Variants in GABRG3 observed in about 807,000 individuals in gnomAD.
GABRG3 encodes the protein gamma-aminobutyric acid receptor subunit gamma-3.
A neutral mutation model predicts 48.8 loss-of-function variants in GABRG3; 25 were observed. The ratio of observed to expected loss-of-function variants is 0.51; its 90% CI spans 0.37 to 0.72. GABRG3 has a LOEUF of 0.72. Ranked by LOEUF, GABRG3 falls within the 30% of genes least tolerant of loss-of-function variation. GABRG3 has a pLI of 0.00. For synonymous variants in GABRG3, 227 were observed against 217.6 expected (o/e 1.04, Z -0.38); for missense variants, 394 against 577.9 (o/e 0.68, Z 3.26).
chr15:27,476,080 A>G (rs1026378642), intron 5 of GABRG3, among the ~76,000 whole-genome samples: 4 of 152,230 alleles, frequency 2.6e-5, no homozygotes, highest in African/African-American at 9.6e-5. Context: ...AAAGCCAGCA[A>G]AGAACTCAAT....
intron 3 of GABRG3, among the ~76,000 whole-genome samples, chr15:27,322,174 G>A (rs934144285): frequency 1.3e-5 from 2 of 152,116 alleles, no homozygotes; most frequent in Non-Finnish European, 2.9e-5. Context: ...ATTTCTATGT[G>A]GGTGGGAAGT....
intron 5 of GABRG3, among the ~76,000 whole-genome samples, chr15:27,465,211 A>G (rs1889569230): frequency 6.6e-6 from 1 of 152,164 alleles, no homozygotes; most frequent in South Asian, 2.1e-4. Flanking sequence ...TTTTTCTCCC[A>G]TTTGATGGGA....
rs780766064 is a variant in GABRG3, at chr15:27,343,746, C to T, written c.574+14858C>T. On this transcript the variant is annotated intron_variant, in intron 5 of 9. Transcript: ENST00000615808. ...ACGGTACGTCAACAAATTCTAAAGCCGTGTCTCAAAGAAAAGGAAACAAAA... is the reference window on the plus strand; with the variant it reads ...ACGGTACGTCAACAAATTCTAAAGCTGTGTCTCAAAGAAAAGGAAACAAAA... Among the ~76,000 whole-genome samples the T allele has an allele frequency of 2.6e-5, 4 of 152,240 alleles. 1 individual carries two copies. Among genetic ancestry groups the T allele is most frequent in the African/African-American group, 4.8e-5 (2 of 41,522 alleles).
intron 3 of GABRG3, among the ~76,000 whole-genome samples, chr15:27,282,046 T>TA (rs980840296): frequency 1.3e-5 from 2 of 152,202 alleles, no homozygotes; most frequent in African/African-American, 4.8e-5. Context: ...GGAAATGCTA[T>TA]ACCTTTTCCT....
chr15:27,431,685 A>G (rs2140623533), intron 5 of GABRG3, among the ~76,000 whole-genome samples: 1 of 152,252 alleles, frequency 6.6e-6, no homozygotes, highest in Admixed American at 6.5e-5. Flanking sequence ...TGAGGAAAGT[A>G]CCTTCTATTC....
Position 27,236,151 on chromosome 15 carries a change from A to G in GABRG3, c.271-90658A>G, listed in dbSNP as rs2140450731. Among the ~76,000 whole-genome samples the G allele has an allele frequency of 6.6e-6, 1 of 152,338 alleles. No individual in the cohort carries two copies. Reference sequence around the variant, plus strand: ...CCCATCAGATCCATGGTACAGACCCAGAACACTTTTCTGTAAACCGTGTCC... The same window carrying G: ...CCCATCAGATCCATGGTACAGACCCGGAACACTTTTCTGTAAACCGTGTCC... On this transcript the variant is annotated intron_variant, in intron 3 of 9. Coordinates refer to ENST00000615808, the MANE Select transcript of GABRG3 (RefSeq NM_033223.5). The surrounding 1 kb of genome is among the most constrained non-coding windows in gnomAD (Gnocchi z 4.4).
chr15:27,510,829 C>A (rs7176200), intron 6 of GABRG3, among the ~76,000 whole-genome samples: 1 of 152,064 alleles, frequency 6.6e-6, no homozygotes, highest in Admixed American at 6.5e-5. Flanking sequence ...AACAGGATTA[C>A]GGGCATGAAG....
chr15:27,131,633 T>A (rs1897917751), intron 3 of GABRG3, among the ~76,000 whole-genome samples: 1 of 152,086 alleles, frequency 6.6e-6, no homozygotes, highest in Admixed American at 6.6e-5. Context: ...TAATTTTTTT[T>A]AAAGTTTTAT....
Position 26,976,304 on chromosome 15 carries a change from A to G in GABRG3, c.54-698A>G, listed in dbSNP as rs772776783. Reference sequence around the variant, plus strand: ...GAAGTCAGAATGTTGAAGACTTATTAGAAAGCTTAGTTCTTCATGTCTGTG... The same window carrying G: ...GAAGTCAGAATGTTGAAGACTTATTGGAAAGCTTAGTTCTTCATGTCTGTG... On this transcript the variant is annotated intron_variant, in intron 1 of 9. Coordinates refer to ENST00000615808, the MANE Select transcript of GABRG3 (RefSeq NM_033223.5). This position sits in a 1 kb window ranked among gnomAD's most constrained non-coding sequence, Gnocchi z 7.8. Among the ~76,000 whole-genome samples, 2 of 152,256 alleles carry G rather than the reference A, an allele frequency of 1.3e-5. No individual in the cohort carries two copies. The highest frequency in any genetic ancestry group is 4.8e-5 in the African/African-American group (2 of 41,478).
intron 5 of GABRG3, among the ~76,000 whole-genome samples, chr15:27,408,782 T>C (rs753407184): frequency 3.1e-4 from 47 of 152,246 alleles, no homozygotes; most frequent in Non-Finnish European, 5.0e-4. Context: ...TATTATAAGA[T>C]AAACATTCAA....
intron 5 of GABRG3, among the ~76,000 whole-genome samples, chr15:27,417,623 C>G (rs1388762766): frequency 6.6e-6 from 1 of 152,212 alleles, no homozygotes; most frequent in East Asian, 1.9e-4. Flanking sequence ...ACCTATTTCC[C>G]CACAAGCTCC....
chr15:27,148,104 TAATTAGGGAATGAAAG>T (rs1303284338), intron 3 of GABRG3, among the ~76,000 whole-genome samples: 1 of 151,862 alleles, frequency 6.6e-6, no homozygotes, highest in South Asian at 2.1e-4. Context: ...GCACATTACT[TAATTAGGGAATGAAAG>T]AGGAGACACT....
chr15:27,482,378 T>C (rs1258289584), intron 6 of GABRG3, among the ~76,000 whole-genome samples: 3 of 152,210 alleles, frequency 2.0e-5, no homozygotes, highest in Non-Finnish European at 4.4e-5. Flanking sequence ...GGGTGTGTTG[T>C]TGCGTGTGTG....
At chr15:27,311,662 G>A (rs1892997956) in intron 3 of GABRG3, among the ~76,000 whole-genome samples, 1 of 152,008 alleles carries the variant, frequency 6.6e-6, no homozygotes, top group Non-Finnish European at 1.5e-5. Context: ...CAGTTAGACA[G>A]GGAATCCAAT....
chr15:27,061,664 G>C (rs1182750915), intron 3 of GABRG3, among the ~76,000 whole-genome samples: 1 of 152,054 alleles, frequency 6.6e-6, no homozygotes, highest in Non-Finnish European at 1.5e-5. Flanking sequence ...GATGGGGCAA[G>C]TCTCCCTATC....
At position 27,339,935 on chromosome 15, in the gene GABRG3, T is replaced by C. The variant is rs559018692; in HGVS notation, c.574+11047T>C. On this transcript the variant is annotated intron_variant, in intron 5 of 9. Transcript: ENST00000615808. The stretch of plus-strand genomic sequence containing the variant: ...AGGCATCGTGCCCCTTCCTCAAACA[T>C]CCCAGAGTTGATGGAGGGAGGAGGC... Among the ~76,000 whole-genome samples, 5 of 152,110 alleles carry C rather than the reference T, an allele frequency of 3.3e-5. No homozygotes were observed. In the East Asian group the frequency reaches 9.7e-4, roughly 30 times the overall value.
At chr15:27,196,453 C>T (rs545635335) in intron 3 of GABRG3, among the ~76,000 whole-genome samples, 3 of 152,210 alleles carry the variant, frequency 2.0e-5, no homozygotes, top group South Asian at 2.1e-4. Flanking sequence ...CTTAAAATGC[C>T]GAAGTGTCTT....
chr15:27,518,195 C>CAAAAAA (rs58222645), intron 6 of GABRG3, among the ~76,000 whole-genome samples: 38 of 88,020 alleles, frequency 4.3e-4, no homozygotes, highest in African/African-American at 6.8e-4. Flanking sequence ...ACTAAAAATA[C>CAAAAAA]AAAAAAAAAA....
At chr15:27,090,054 G>A (rs1375645293) in intron 3 of GABRG3, among the ~76,000 whole-genome samples, 1 of 152,212 alleles carries the variant, frequency 6.6e-6, no homozygotes, top group Non-Finnish European at 1.5e-5. Context: ...GTTCTTTTGT[G>A]TATAGACAGG....
Sources: allele counts gnomAD v4.1 joint callset (sites outside exome capture counted in the v4.1 genomes callset), GRCh38; gene constraint gnomAD v4.1.1; non-coding constraint Gnocchi (gnomAD v3.1); transcripts MANE v1.5; gene names NCBI Gene and HGNC (gene_info 2026-07-23, HGNC 2026-07-21).